The following STX8 variants were observed in gnomAD, a reference collection of about 807,000 sequenced individuals.
STX8 encodes syntaxin-8.
A neutral mutation model predicts 37.5 loss-of-function variants in STX8; 23 were observed. That is an observed-to-expected ratio of 0.61 (90% CI 0.44 to 0.87). The LOEUF (loss-of-function observed/expected upper bound fraction) is 0.87, where lower values mean the gene tolerates loss of function less well. Ranked by LOEUF, STX8 falls within the 40% of genes least tolerant of loss-of-function variation. The pLI, the probability that STX8 is intolerant of heterozygous loss-of-function variation, is 0.00. For missense variants in STX8, 313 were observed against 284.7 expected, an observed-to-expected ratio of 1.10 and a Z score of -0.71; for synonymous variants, 115 against 99.1, an observed-to-expected ratio of 1.16 and a Z score of -0.95.
At position 9,274,740 on chromosome 17, in the gene STX8, A is replaced by T. The variant is rs1567763835; in HGVS notation, c.644-24095T>A. Among the ~76,000 whole-genome samples, 13 of 112,492 alleles carry T rather than the reference A, an allele frequency of 1.2e-4. 2 individuals carry two copies. The highest frequency in any genetic ancestry group is 2.0e-4 in the Non-Finnish European group (11 of 53,748). The allele number at this position is 112,492 out of a possible 152,430, so 73.8% of individuals were successfully genotyped here. ...AAACAAAGTCTTCAAAAATACAACA[A>T]TTTCTTTTTTCTTTTTTTTTTTTTT... On this transcript the variant is annotated intron_variant, in intron 7 of 7. Transcript: ENST00000306357.
chr17:9,303,270 A>T (rs935645880), intron 7 of STX8, among the ~76,000 whole-genome samples: 1 of 152,204 alleles, frequency 6.6e-6, no homozygotes, highest in Non-Finnish European at 1.5e-5. Flanking sequence ...CGGCCTGGCG[A>T]CAGAGCGAGA....
chr17:9,428,290 G>A (rs1913712107), intron 6 of STX8, among the ~76,000 whole-genome samples: 2 of 152,170 alleles, frequency 1.3e-5, no homozygotes, highest in South Asian at 4.1e-4. Flanking sequence ...CTCCAGCCTG[G>A]TGGGCAGTGG....
At chr17:9,410,243 A>G (rs114641190) in intron 6 of STX8, among the ~76,000 whole-genome samples, 1,894 of 152,350 alleles carry the variant, frequency 0.012, 44 homozygotes, top group African/African-American at 0.043. Context: ...ATTGCTTATG[A>G]TTGAGTTAAT....
At chr17:9,388,973 T>C (rs748449590) in intron 6 of STX8, among the ~76,000 whole-genome samples, 1 of 152,206 alleles carries the variant, frequency 6.6e-6, no homozygotes, top group Non-Finnish European at 1.5e-5. Context: ...ATTCCTTAAA[T>C]AATAGCCCAT....
At chr17:9,471,030 G>GTTTTTTT (rs1567574843) in intron 6 of STX8, among the ~76,000 whole-genome samples, 1 of 35,534 alleles carries the variant, frequency 2.8e-5, no homozygotes, top group African/African-American at 1.0e-4. Context: ...ACTGCATCCT[G>GTTTTTTT]CTTTTTTTTT....
intron 7 of STX8, among the ~76,000 whole-genome samples, chr17:9,363,405 G>A (rs1356208633): frequency 6.6e-6 from 1 of 152,058 alleles, no homozygotes; most frequent in East Asian, 1.9e-4. Flanking sequence ...GTTAGGCTGG[G>A]TTCACAAAAT....
chr17:9,458,407 C>T (rs1232009700), intron 6 of STX8, among the ~76,000 whole-genome samples: 1 of 151,546 alleles, frequency 6.6e-6, no homozygotes, highest in Admixed American at 6.6e-5. Context: ...CCTTGGCCTC[C>T]CAAAGTGCTG....
At chr17:9,521,366 T>C (rs572187719) in intron 4 of STX8, among the ~76,000 whole-genome samples, 7 of 152,284 alleles carry the variant, frequency 4.6e-5, no homozygotes, top group East Asian at 3.9e-4. Flanking sequence ...GGAATAAAGA[T>C]TGCCAAACCT....
chr17:9,283,148 A>G lies in STX8; in HGVS notation c.644-32503T>C, dbSNP rs558364737. ...AGATGTTGTGACCCTGGTCCAAATAATATCTTTACTCTGACAAAAAGCTGT... is the reference window on the plus strand; with the variant it reads ...AGATGTTGTGACCCTGGTCCAAATAGTATCTTTACTCTGACAAAAAGCTGT... On this transcript the variant is annotated intron_variant, in intron 7 of 7. Transcript: ENST00000306357. 2.6e-5 allele frequency: 4 copies of G among 152,272 alleles called. No homozygotes were observed. The East Asian group carries it at 7.7e-4, about 29-fold the overall frequency. The allele number at this position is 152,272 out of a possible 1,614,324, so 9.4% of individuals were successfully genotyped here. A position where few individuals can be genotyped will look rare whatever the true frequency, so the allele number is the denominator to read the frequency against.
intron 6 of STX8, among the ~76,000 whole-genome samples, chr17:9,467,989 T>C (rs560121404): frequency 6.6e-6 from 1 of 152,316 alleles, no homozygotes; most frequent in South Asian, 2.1e-4. Flanking sequence ...ACAGCTGCCA[T>C]AATAATACAC....
chr17:9,332,672 T>C (rs1164720155), intron 7 of STX8, among the ~76,000 whole-genome samples: 1 of 152,230 alleles, frequency 6.6e-6, no homozygotes, highest in Non-Finnish European at 1.5e-5. Context: ...AATGCAGAAC[T>C]GGATCCTTTT....
intron 6 of STX8, among the ~76,000 whole-genome samples, chr17:9,384,211 G>A (rs188836354): frequency 2.3e-4 from 33 of 146,654 alleles, no homozygotes; most frequent in African/African-American, 7.8e-4. Context: ...TTTTTCAATT[G>A]ACAGATATCG....
At chr17:9,345,848 C>CTTTTTTTCTTTTTTTTTTTT (rs1910512965) in intron 7 of STX8, among the ~76,000 whole-genome samples, 1 of 52,076 alleles carries the variant, frequency 1.9e-5, no homozygotes, top group Non-Finnish European at 3.4e-5. Flanking sequence ...TTATGCATTC[C>CTTTTTTTCTTTTTTTTTTTT]TTTTTTTTTT....
chr17:9,456,384 A>G (rs1028813483), intron 6 of STX8, among the ~76,000 whole-genome samples: 11 of 152,166 alleles, frequency 7.2e-5, no homozygotes, highest in African/African-American at 2.4e-4. Flanking sequence ...ATGAAACACC[A>G]TTTGATCTTT....
At chr17:9,371,623 A>C (rs1025494307) in intron 7 of STX8, among the ~76,000 whole-genome samples, 2 of 145,968 alleles carry the variant, frequency 1.4e-5, no homozygotes, top group African/African-American at 5.4e-5. Context: ...AACATTTATC[A>C]AATGGATTAT....
At chr17:9,273,958 T>C (rs972187778) in intron 7 of STX8, among the ~76,000 whole-genome samples, 4 of 152,234 alleles carry the variant, frequency 2.6e-5, no homozygotes, top group African/African-American at 9.6e-5. Flanking sequence ...TCCAGTCTTG[T>C]TGAATGGTAC....
At chr17:9,408,122 G>A (rs747060721) in intron 6 of STX8, among the ~76,000 whole-genome samples, 9 of 152,084 alleles carry the variant, frequency 5.9e-5, no homozygotes, top group Admixed American at 6.6e-5. Context: ...AATAAAACCC[G>A]TCTGATGAGA....
chr17:9,412,144 T>C (rs899861664), intron 6 of STX8, among the ~76,000 whole-genome samples: 5 of 152,064 alleles, frequency 3.3e-5, no homozygotes, highest in African/African-American at 1.2e-4. Context: ...AGGAACACAG[T>C]GGTAAGATGT....
rs141161749 is a variant in STX8, at chr17:9,566,862, T to C, written c.117+1509A>G. Among the ~76,000 whole-genome samples the C allele has an allele frequency of 5.8e-3, 881 of 152,046 alleles. 7 individuals are homozygous for C. Among genetic ancestry groups the C allele is most frequent in the Middle Eastern group, 0.014 (4 of 292 alleles). ...GCACTATTCACAATAACAAAAGACA[T>C]AGAATCAACCTGATGCCCACCAATG... is the stretch of plus-strand genomic sequence containing the variant. On this transcript the variant is annotated intron_variant, in intron 2 of 7. Coordinates refer to ENST00000306357, the MANE Select transcript of STX8 (RefSeq NM_004853.3).
Sources: gnomAD v4.1 joint callset for allele counts (sites outside exome capture counted in the v4.1 genomes callset) on GRCh38, gnomAD v4.1.1 for gene constraint, MANE v1.5 for transcripts, NCBI Gene and HGNC (gene_info 2026-07-23, HGNC 2026-07-21) for gene names.